Variants in NUP153 observed in about 807,000 individuals in gnomAD.
NUP153 encodes nucleoporin 153, also known as nuclear pore complex protein Nup153.
A neutral mutation model predicts 134.6 loss-of-function variants in NUP153; 27 were observed. The ratio of observed to expected loss-of-function variants is 0.20; its 90% CI spans 0.15 to 0.28. NUP153 has a LOEUF of 0.28. Among genes scored for constraint, NUP153 ranks in the 10% least tolerant of loss-of-function variants. NUP153 has a pLI of 1.00. For synonymous variants in NUP153, 640 were observed against 623.5 expected (o/e 1.03, Z -0.40); for missense variants, 1,821 against 1,731.3 (o/e 1.05, Z -0.92).
intron 1 of NUP153, among the ~76,000 whole-genome samples, chr6:17,703,320 T>C (rs1234210746): frequency 1.3e-5 from 2 of 151,880 alleles, no homozygotes; most frequent in Non-Finnish European, 2.9e-5. Flanking sequence ...AATGAACACA[T>C]GCAGAAGTCA....
intron 1 of NUP153, among the ~76,000 whole-genome samples, chr6:17,699,973 A>G (rs1283283109): frequency 6.6e-6 from 1 of 152,240 alleles, no homozygotes; most frequent in Non-Finnish European, 1.5e-5. Context: ...CACTTATTAG[A>G]AAAATTAAGT....
intron 1 of NUP153, among the ~76,000 whole-genome samples, chr6:17,692,464 T>A (rs1769338217): frequency 1.3e-5 from 2 of 152,088 alleles, no homozygotes; most frequent in South Asian, 4.1e-4. Flanking sequence ...CAGTCAGCTA[T>A]GATTGTACCA....
rs1467732086 is a variant in NUP153 at position 17,632,851 on chromosome 6, A to G, written c.2465-7T>C. ...GAAGCAGGTACTGAACTTCCTAAAA[A>G]AAAAAAAAAAAACGGGGAGTGGGGG... On this transcript the variant is annotated splice_region_variant and splice_polypyrimidine_tract_variant and intron_variant, in intron 16 of 21. Coordinates refer to ENST00000262077, the MANE Select transcript of NUP153 (RefSeq NM_005124.4). The G allele has an allele frequency of 1.9e-6, 3 of 1,538,594 alleles. No homozygotes were observed. Among genetic ancestry groups the G allele is most frequent in the East Asian group, 2.3e-5 (1 of 43,920 alleles).
chr6:17,644,881 C>T (rs905130942), intron 14 of NUP153, among the ~76,000 whole-genome samples: 8 of 152,030 alleles, frequency 5.3e-5, no homozygotes, highest in African/African-American at 1.7e-4. Context: ...GTTAGGAGAT[C>T]GAGACCATCC....
intron 18 of NUP153, 69 bp from the exon 19 acceptor site, chr6:17,626,233 C>T (rs1179824137): frequency 8.5e-7 from 1 of 1,173,066 alleles, no homozygotes; most frequent in Admixed American, 2.2e-5. Context: ...TTTTTCCTAC[C>T]CTACAATTGC....
At chr6:17,647,629 A>T (rs1271577215) in intron 13 of NUP153, among the ~76,000 whole-genome samples, 178 bp downstream of exon 13, 1 of 152,258 alleles carries the variant, frequency 6.6e-6, no homozygotes, top group African/African-American at 2.4e-5. Flanking sequence ...ATATGCATAC[A>T]TATGTACATT....
rs530808398 is a variant in NUP153 at position 17,665,519 on chromosome 6, A to G, written c.1069-134T>C. ...AGAAATATACAGTAGATACAAACAA[A>G]TAAGAGGAAAAACTGATAATAATGG... is the stretch of plus-strand genomic sequence containing the variant. On this transcript the variant is annotated intron_variant, in intron 8 of 21. Transcript: ENST00000262077. 27 of 656,236 alleles carry G rather than the reference A, an allele frequency of 4.1e-5. 1 individual carries two copies. The highest frequency in any genetic ancestry group is 6.7e-4 in the Middle Eastern group (2 of 2,974). 40.7% of individuals were successfully genotyped at this position (656,236 alleles called of 1,614,324 possible). A position where few individuals can be genotyped will look rare whatever the true frequency, so the allele number is the denominator to read the frequency against.
At chr6:17,619,402 C>T (rs543502148) in intron 20 of NUP153, 1 of 152,214 alleles carries the variant, frequency 6.6e-6, no homozygotes, top group African/African-American at 2.4e-5. Context: ...GAAACGGGTT[C>T]CTCTACGAAG....
chr6:17,705,587 G>A (rs1256218557), intron 1 of NUP153, among the ~76,000 whole-genome samples: 1 of 145,390 alleles, frequency 6.9e-6, no homozygotes, highest in African/African-American at 2.6e-5. Flanking sequence ...GGCGGTGTTG[G>A]GGGGGGGGAG....
intron 11 of NUP153, among the ~76,000 whole-genome samples, chr6:17,655,978 G>C (rs1048654819): frequency 6.6e-6 from 1 of 152,154 alleles, no homozygotes; most frequent in South Asian, 2.1e-4. Flanking sequence ...GCCAAGGTGG[G>C]TGGATCTCTT....
At chr6:17,694,004 T>C (rs1769459864) in intron 1 of NUP153, among the ~76,000 whole-genome samples, 2 of 152,362 alleles carry the variant, frequency 1.3e-5, no homozygotes, top group East Asian at 3.9e-4. Context: ...GCTTTATTTT[T>C]TATTAAAACT....
chr6:17,669,869 C>T (rs534306891), intron 5 of NUP153, among the ~76,000 whole-genome samples: 24 of 151,748 alleles, frequency 1.6e-4, no homozygotes, highest in African/African-American at 3.9e-4. Context: ...GTGAGGAGGG[C>T]GGACTGCCTG....
chr6:17,686,214 C>A (rs1768914180), intron 2 of NUP153, among the ~76,000 whole-genome samples: 1 of 151,936 alleles, frequency 6.6e-6, no homozygotes, highest in Non-Finnish European at 1.5e-5. Context: ...GTAAGTCCTT[C>A]TGGAAGTATT....
chr6:17,660,768 CAGA>C (rs1049359887), intron 11 of NUP153, among the ~76,000 whole-genome samples: 1 of 152,052 alleles, frequency 6.6e-6, no homozygotes, highest in African/African-American at 2.4e-5. Context: ...TCTAATACAG[CAGA>C]AGATGTGGAT....
intron 8 of NUP153, among the ~76,000 whole-genome samples, chr6:17,666,010 A>C (rs1767513707): frequency 6.8e-6 from 1 of 147,262 alleles, no homozygotes; most frequent in Non-Finnish European, 1.5e-5. Flanking sequence ...TTTTAAATGG[A>C]GACTAGGTCT....
chr6:17,659,252 C>G (rs973066868), intron 11 of NUP153, among the ~76,000 whole-genome samples: 44 of 152,170 alleles, frequency 2.9e-4, no homozygotes, highest in African/African-American at 1.0e-3. Flanking sequence ...AAGAGCTTGT[C>G]GAATCCCAAA....
rs756152096 is a variant in NUP153, at chr6:17,675,307, A to C, written c.645T>G (p.Ser215=). 3.7e-6 allele frequency: 6 copies of C among 1,614,028 alleles called. No homozygotes were observed. In the Admixed American group the frequency reaches 8.3e-5, roughly 22 times the overall value. Residue 215 remains serine (S), a synonymous_variant, in exon 4 of 22, where the codon TCT becomes TCG. Transcript: ENST00000262077. The surrounding 1 kb of genome is among the most constrained non-coding windows in gnomAD (Gnocchi z 4.4). The part of the protein sequence containing the change: ...PPLWSPEAER[S]HSLSQHTATS... Reference sequence around the variant, plus strand: ...TGGCAGTGTGCTGTGAGAGTGAGTGAGAACGTTCAGCTTCTGGGGACCACA... The same window carrying C: ...TGGCAGTGTGCTGTGAGAGTGAGTGCGAACGTTCAGCTTCTGGGGACCACA...
intron 1 of NUP153, among the ~76,000 whole-genome samples, chr6:17,705,677 T>C (rs1250822476): frequency 1.3e-5 from 2 of 151,908 alleles, no homozygotes; most frequent in Non-Finnish European, 2.9e-5. Flanking sequence ...AACTATAACC[T>C]GGTTAATAAA....
intron 11 of NUP153, among the ~76,000 whole-genome samples, chr6:17,652,725 C>T (rs923244882): frequency 1.3e-5 from 2 of 152,116 alleles, no homozygotes; most frequent in African/African-American, 4.8e-5. Context: ...TCCTAAAACT[C>T]AGTAAGAAGA....
Sources: allele counts gnomAD v4.1 joint callset (sites outside exome capture counted in the v4.1 genomes callset), GRCh38; gene constraint gnomAD v4.1.1; non-coding constraint Gnocchi (gnomAD v3.1); transcripts MANE v1.5; gene names NCBI Gene and HGNC (gene_info 2026-07-23, HGNC 2026-07-21).